Variants in SMARCC1 observed in about 807,000 individuals in gnomAD.
SMARCC1 encodes the protein SWI/SNF related BAF chromatin remodeling complex subunit C1.
SMARCC1 carries 43 observed loss-of-function variants against 147.4 expected under a neutral mutation model. That is an observed-to-expected ratio of 0.29 (90% CI 0.23 to 0.38). The LOEUF is 0.38. Ranked by LOEUF, SMARCC1 falls within the 10% of genes least tolerant of loss-of-function variation. The probability of loss-of-function intolerance (pLI) is 1.00; values close to 1 mark genes in which losing one functional copy is unlikely to be tolerated. For missense variants in SMARCC1, 1,119 were observed against 1,381.1 expected (o/e 0.81, Z 3.01); for synonymous variants, 495 against 484.4 (o/e 1.02, Z -0.29).
At chr3:47,684,227 G>A (rs1223839560) in intron 14 of SMARCC1, among the ~76,000 whole-genome samples, 18 of 140,582 alleles carry the variant, frequency 1.3e-4, no homozygotes, top group East Asian at 4.4e-4. Context: ...GCGACAGAGC[G>A]AGACTCCGTC....
chr3:47,781,661 G>A lies in SMARCC1; in HGVS notation c.137C>T (p.Pro46Leu), dbSNP rs748338516. 1 of 1,557,720 alleles carries A rather than the reference G, an allele frequency of 6.4e-7. No individual in the cohort carries two copies. Among genetic ancestry groups the A allele is most frequent in the South Asian group, 1.2e-5 (1 of 85,752 alleles). Residue 46 changes from proline (P) to leucine (L), a missense_variant, in exon 1 of 28, where the codon CCG becomes CTG. Transcript: ENST00000254480. ...CGAATCCAGCTGGGACACCGTCTCC[G>A]GGCTCTCCCAAAACTTGGTGGCCGG... is the stretch of plus-strand genomic sequence containing the variant. ...GGPATKFWES[P>L]ETVSQLDSVR...
chr3:47,664,245 TAAAG>T lies in SMARCC1; in HGVS notation c.1900-1657_1900-1654del, dbSNP rs1384465760. Among the ~76,000 whole-genome samples the T allele has an allele frequency of 5.5e-5, 8 of 145,098 alleles. 1 individual carries two copies. Among genetic ancestry groups the T allele is most frequent in the Non-Finnish European group, 1.5e-5 (1 of 66,372 alleles). On this transcript the variant is annotated intron_variant, in intron 19 of 27. Coordinates refer to ENST00000254480, the MANE Select transcript of SMARCC1 (RefSeq NM_003074.4). ...AGATACTTAGGAGGAATAAACATAATAAAGAATGTATAAGAGCAACAGACTAGAA... is the reference window on the plus strand; with the variant it reads ...AGATACTTAGGAGGAATAAACATAATAATGTATAAGAGCAACAGACTAGAA...
intron 7 of SMARCC1, among the ~76,000 whole-genome samples, chr3:47,715,219 T>C (rs1430930899): frequency 6.6e-6 from 1 of 152,148 alleles, no homozygotes; most frequent in East Asian, 1.9e-4. Flanking sequence ...ATCAGCACTC[T>C]CCCATGTATT....
At chr3:47,708,020 G>GA (rs1559650498) in intron 9 of SMARCC1, among the ~76,000 whole-genome samples, 1 of 136,822 alleles carries the variant, frequency 7.3e-6, no homozygotes, top group African/African-American at 2.7e-5. Flanking sequence ...ATAGCAGTTT[G>GA]AAAAAAATCT....
intron 21 of SMARCC1, among the ~76,000 whole-genome samples, chr3:47,646,053 C>T (rs992188846): frequency 6.6e-6 from 1 of 152,048 alleles, no homozygotes. Context: ...GGTGTGGTGG[C>T]TCACACCTGT....
chr3:47,624,298 T>A (rs1326846748), intron 24 of SMARCC1, among the ~76,000 whole-genome samples: 4 of 150,838 alleles, frequency 2.7e-5, no homozygotes, highest in African/African-American at 7.3e-5. Context: ...TCAAAAAAAA[T>A]AAAAAATAAA....
intron 26 of SMARCC1, among the ~76,000 whole-genome samples, chr3:47,602,508 G>C (rs964827482): frequency 9.9e-5 from 15 of 152,066 alleles, no homozygotes; most frequent in Admixed American, 7.2e-4. Flanking sequence ...ATGTTGCCCA[G>C]GTTGGTCTCG....
intron 11 of SMARCC1, among the ~76,000 whole-genome samples, chr3:47,699,681 T>G (rs1439185455): frequency 6.6e-6 from 1 of 152,156 alleles, no homozygotes; most frequent in Non-Finnish European, 1.5e-5. Context: ...TATACATATA[T>G]ACACCCAGTG....
At chr3:47,632,472 G>C (rs1187718744) in intron 24 of SMARCC1, among the ~76,000 whole-genome samples, 2 of 152,032 alleles carry the variant, frequency 1.3e-5, no homozygotes, top group Admixed American at 6.6e-5. Context: ...TACCATTTTA[G>C]TTCTTCCTAT....
At chr3:47,635,591 T>A (rs1195607273) in intron 23 of SMARCC1, among the ~76,000 whole-genome samples, 2 of 152,168 alleles carry the variant, frequency 1.3e-5, no homozygotes, top group African/African-American at 4.8e-5. Flanking sequence ...GTCCCTTGGA[T>A]ATATATATTT....
At chr3:47,781,527 C>G (rs2035048416) in intron 1 of SMARCC1, 76 bp downstream of exon 1, 1 of 1,095,680 alleles carries the variant, frequency 9.1e-7, no homozygotes. Context: ...AGGGGCGGCC[C>G]GAGGCCCGCG....
intron 14 of SMARCC1, among the ~76,000 whole-genome samples, chr3:47,682,074 T>TC (rs2033650954): frequency 6.6e-6 from 1 of 151,848 alleles, no homozygotes. Context: ...ACACACACTT[T>TC]TTTTTTTTAA....
At chr3:47,725,832 C>T (rs1323505806) in intron 6 of SMARCC1, among the ~76,000 whole-genome samples, 1 of 149,684 alleles carries the variant, frequency 6.7e-6, no homozygotes, top group African/African-American at 2.4e-5. Flanking sequence ...GAGGCTGGGT[C>T]GGGTGAATCA....
rs1253367269 is a variant in SMARCC1, at chr3:47,728,803, C to A, written c.646+222G>T. Among the ~76,000 whole-genome samples the A allele has an allele frequency of 2.0e-5, 3 of 152,078 alleles. No homozygotes were observed. In the East Asian group the frequency reaches 5.8e-4, roughly 29 times the overall value. On this transcript the variant is annotated intron_variant, in intron 6 of 27. Transcript: ENST00000254480. The stretch of plus-strand genomic sequence containing the variant: ...GTGGGCGCCTATATTCCCAGCTACT[C>A]AGGAGGCTGAGTCAGGAGAATCTCT...
intron 7 of SMARCC1, among the ~76,000 whole-genome samples, chr3:47,719,804 C>T (rs1012665986): frequency 2.6e-5 from 4 of 152,116 alleles, no homozygotes; most frequent in Admixed American, 2.6e-4. Flanking sequence ...GCCATGATCT[C>T]GGCTCACTGC....
intron 6 of SMARCC1, 46 bp downstream of exon 6, chr3:47,728,979 G>T: frequency 8.5e-7 from 1 of 1,172,484 alleles, no homozygotes; most frequent in Non-Finnish European, 1.2e-6. Flanking sequence ...AAATCCATTT[G>T]GTATGATGTA....
rs192441063 is a variant in SMARCC1 at position 47,608,569 on chromosome 3, T to C, written c.3043+1497A>G. Among the ~76,000 whole-genome samples, 365 of 152,034 alleles carry C rather than the reference T, an allele frequency of 2.4e-3. 1 individual carries two copies. The highest frequency in any genetic ancestry group is 5.2e-3 in the African/African-American group (214 of 41,464). On this transcript the variant is annotated intron_variant, in intron 26 of 27. Transcript: ENST00000254480. ...ACCTCATAAGTGAATCTTGTCTGGG[T>C]GTGGTAGAGCTCATGCCTGTAATCC... is the stretch of plus-strand genomic sequence containing the variant.
At chr3:47,632,782 A>G (rs1299664468) in intron 24 of SMARCC1, among the ~76,000 whole-genome samples, 1 of 152,212 alleles carries the variant, frequency 6.6e-6, no homozygotes, top group Non-Finnish European at 1.5e-5. Context: ...TTCAGGAAGG[A>G]CAGGTAAGAA....
chr3:47,627,000 T>C (rs367622542), intron 24 of SMARCC1, among the ~76,000 whole-genome samples: 21 of 152,332 alleles, frequency 1.4e-4, no homozygotes, highest in African/African-American at 5.1e-4. Context: ...AATGACTCAA[T>C]TGATACATGT....
Sources: gnomAD v4.1 joint callset for allele counts (sites outside exome capture counted in the v4.1 genomes callset) on GRCh38, gnomAD v4.1.1 for gene constraint, MANE v1.5 for transcripts, NCBI Gene and HGNC (gene_info 2026-07-23, HGNC 2026-07-21) for gene names.